Variants in CDH4 observed in about 807,000 individuals in gnomAD.
CDH4 encodes cadherin-4.
A neutral mutation model predicts 86.0 loss-of-function variants in CDH4; 33 were observed. The ratio of observed to expected loss-of-function variants is 0.38; its 90% CI spans 0.29 to 0.51. The LOEUF is 0.51. Among genes scored for constraint, CDH4 ranks in the 20% least tolerant of loss-of-function variants. CDH4 has a pLI of 0.86. For synonymous variants in CDH4, 555 were observed against 549.4 expected, an observed-to-expected ratio of 1.01 and a Z score of -0.14; for missense variants, 1,114 against 1,307.4, an observed-to-expected ratio of 0.85 and a Z score of 2.28.
intron 6 of CDH4, among the ~76,000 whole-genome samples, chr20:61,871,427 C>T (rs964728408): frequency 6.6e-6 from 1 of 152,172 alleles, no homozygotes; most frequent in Non-Finnish European, 1.5e-5. Flanking sequence ...TCCCTCTCCA[C>T]GAATGATTTC....
chr20:61,323,125 G>A (rs572265857), intron 2 of CDH4, among the ~76,000 whole-genome samples: 18 of 152,196 alleles, frequency 1.2e-4, no homozygotes, highest in Admixed American at 3.3e-4. Flanking sequence ...GGTGGCAAGA[G>A]GATAGCAAGG....
In CDH4 at chr20:61,810,626, A is replaced by G. The variant is rs8123402; in HGVS notation, c.577-34042A>G. On this transcript the variant is annotated intron_variant, in intron 4 of 15. Coordinates refer to ENST00000614565, the MANE Select transcript of CDH4 (RefSeq NM_001794.5). The surrounding 1 kb of genome is among the most constrained non-coding windows in gnomAD (Gnocchi z 4.3). ...CGCCCTGCTCCCATCCACCACTACC[A>G]ACACCTCCCAGCCCCCTAACAAGCC... Among the ~76,000 whole-genome samples the G allele has an allele frequency of 0.51, 77,129 of 151,942 alleles. 19,884 individuals carry two copies. The highest frequency in any genetic ancestry group is 0.56 in the Non-Finnish European group (37,780 of 67,950).
intron 4 of CDH4, among the ~76,000 whole-genome samples, chr20:61,839,711 G>A (rs532232721): frequency 4.4e-4 from 67 of 151,616 alleles, no homozygotes; most frequent in African/African-American, 1.5e-3. Flanking sequence ...TTGTTTATGC[G>A]TTTGTGTATT....
At chr20:61,405,060 G>GTT (rs2085073768) in intron 2 of CDH4, among the ~76,000 whole-genome samples, 1 of 152,052 alleles carries the variant, frequency 6.6e-6, no homozygotes, top group South Asian at 2.1e-4. Flanking sequence ...AAAAGAAAAA[G>GTT]CTCCCTTATT....
intron 4 of CDH4, among the ~76,000 whole-genome samples, chr20:61,836,276 C>A (rs1366686019): frequency 6.6e-6 from 1 of 152,228 alleles, no homozygotes; most frequent in African/African-American, 2.4e-5. Context: ...GAGTCTCCTG[C>A]AATCCCATGC....
chr20:61,763,071 C>T (rs867328745), intron 3 of CDH4, among the ~76,000 whole-genome samples: 3 of 152,220 alleles, frequency 2.0e-5, no homozygotes, highest in African/African-American at 2.4e-5. Flanking sequence ...AGTGCAGGAC[C>T]TGGCCGCTGG....
chr20:61,429,755 G>GTGGA (rs111226650), intron 2 of CDH4, among the ~76,000 whole-genome samples: 19,475 of 141,212 alleles, frequency 0.14, 1,886 homozygotes, highest in African/African-American at 0.27. Context: ...GGATAGGTGT[G>GTGGA]TGGATGGATG....
At chr20:61,542,018 AC>A (rs2086043264) in intron 2 of CDH4, among the ~76,000 whole-genome samples, 1 of 152,204 alleles carries the variant, frequency 6.6e-6, no homozygotes, top group South Asian at 2.1e-4. Context: ...CATTTAACTG[AC>A]CTTGAGCCTG....
chr20:61,732,823 GC>G (rs943628294), intron 2 of CDH4, among the ~76,000 whole-genome samples: 1 of 152,214 alleles, frequency 6.6e-6, no homozygotes, highest in African/African-American at 2.4e-5. Context: ...TTGGAGATGA[GC>G]CCCCCACCCC....
chr20:61,764,734 G>A (rs971908219), intron 3 of CDH4, among the ~76,000 whole-genome samples: 3 of 152,166 alleles, frequency 2.0e-5, no homozygotes, highest in African/African-American at 2.4e-5. Flanking sequence ...TCCCCAAGGC[G>A]CCCCAGCCTT....
chr20:61,847,190 C>A (rs1982499232), intron 5 of CDH4, among the ~76,000 whole-genome samples: 1 of 152,232 alleles, frequency 6.6e-6, no homozygotes, highest in Non-Finnish European at 1.5e-5. Flanking sequence ...CCCACCAACT[C>A]CCCGGAAAAG....
At position 61,647,418 on chromosome 20, in the gene CDH4, T is replaced by C. The variant is rs184865759; in HGVS notation, c.170-96145T>C. Among the ~76,000 whole-genome samples, 3 of 152,250 alleles carry C rather than the reference T, an allele frequency of 2.0e-5. No individual in the cohort carries two copies. The East Asian group carries it at 5.8e-4, about 29-fold the overall frequency. The stretch of plus-strand genomic sequence containing the variant: ...AAGCCAAAGGGGTGATTTGCAGAAG[T>C]AAAATGAAATTGTCAAATGCCAGAA... On this transcript the variant is annotated intron_variant, in intron 2 of 15. Coordinates refer to ENST00000614565, the MANE Select transcript of CDH4 (RefSeq NM_001794.5).
At chr20:61,459,093 C>T (rs1277965790) in intron 2 of CDH4, among the ~76,000 whole-genome samples, 3 of 152,090 alleles carry the variant, frequency 2.0e-5, no homozygotes, top group Non-Finnish European at 2.9e-5. Context: ...GCAGCTCACA[C>T]TGTGCCCTGG....
At chr20:61,896,304 G>A (rs528762375) in intron 8 of CDH4, among the ~76,000 whole-genome samples, 30 of 152,322 alleles carry the variant, frequency 2.0e-4, no homozygotes, top group African/African-American at 6.0e-4. Context: ...CGCTCCTCCC[G>A]GTGGGTGGGC....
At chr20:61,804,713 A>G (rs1980033986) in intron 4 of CDH4, among the ~76,000 whole-genome samples, 1 of 152,200 alleles carries the variant, frequency 6.6e-6, no homozygotes, top group African/African-American at 2.4e-5. Context: ...AAGTGCAGGG[A>G]AAGTCCAGAG....
chr20:61,697,161 G>A (rs935527669), intron 2 of CDH4, among the ~76,000 whole-genome samples: 3 of 152,288 alleles, frequency 2.0e-5, no homozygotes, highest in East Asian at 1.9e-4. Flanking sequence ...TCGGATGTGC[G>A]GATGAAGGAT....
chr20:61,510,666 T>C lies in CDH4; in HGVS notation c.170-232897T>C, dbSNP rs2085773057. Among the ~76,000 whole-genome samples, 1 of 152,104 alleles carries C rather than the reference T, an allele frequency of 6.6e-6. No homozygotes were observed. The highest frequency in any genetic ancestry group is 2.4e-5 in the African/African-American group (1 of 41,416). Reference sequence around the variant, plus strand: ...GGGGATTGCGTTGCTGGGGAATTACTTGCTTGGGGGATTATGAGGCGGGAA... The same window carrying C: ...GGGGATTGCGTTGCTGGGGAATTACCTGCTTGGGGGATTATGAGGCGGGAA... On this transcript the variant is annotated intron_variant, in intron 2 of 15. Transcript: ENST00000614565. This position sits in a 1 kb window ranked among gnomAD's most constrained non-coding sequence, Gnocchi z 4.2.
chr20:61,450,397 C>T (rs766782357), intron 2 of CDH4, among the ~76,000 whole-genome samples: 3 of 152,188 alleles, frequency 2.0e-5, no homozygotes, highest in Non-Finnish European at 4.4e-5. Flanking sequence ...CCAAACTGTT[C>T]TCCATGCCTT....
chr20:61,894,131 G>T (rs1171684306), intron 7 of CDH4, among the ~76,000 whole-genome samples: 1 of 152,144 alleles, frequency 6.6e-6, no homozygotes, highest in Non-Finnish European at 1.5e-5. Flanking sequence ...GCAGGGAGCT[G>T]CCCACAAGCC....
Sources: gnomAD v4.1 joint callset for allele counts (sites outside exome capture counted in the v4.1 genomes callset) on GRCh38, gnomAD v4.1.1 for gene constraint, Gnocchi (gnomAD v3.1) non-coding constraint, MANE v1.5 for transcripts, NCBI Gene and HGNC (gene_info 2026-07-23, HGNC 2026-07-21) for gene names.